PLXNA4: variants seen among roughly 807,000 people sequenced by gnomAD.
The protein encoded by PLXNA4 is plexin-A4.
PLXNA4 carries 44 observed loss-of-function variants against 191.8 expected under a neutral mutation model. That is an observed-to-expected ratio of 0.23 (90% CI 0.18 to 0.29). The LOEUF (loss-of-function observed/expected upper bound fraction) is 0.29, where lower values mean the gene tolerates loss of function less well. Among genes scored for constraint, PLXNA4 ranks in the 10% least tolerant of loss-of-function variants. The pLI, the probability that PLXNA4 is intolerant of heterozygous loss-of-function variation, is 1.00. For synonymous variants in PLXNA4, 1,082 were observed against 1,009.5 expected (o/e 1.07, Z -1.36); for missense variants, 1,800 against 2,488.8 (o/e 0.72, Z 5.89).
intron 1 of PLXNA4, among the ~76,000 whole-genome samples, chr7:132,540,566 G>GTTTT (rs1203493435): frequency 1.0e-4 from 5 of 49,528 alleles, no homozygotes; most frequent in South Asian, 1.1e-3. Flanking sequence ...AGTGTGGACC[G>GTTTT]TTCTTTTTTT....
At chr7:132,579,508 C>T (rs1027982028), upstream of PLXNA4, among the ~76,000 whole-genome samples, 7 of 146,526 alleles carry the variant, frequency 4.8e-5, no homozygotes, top group Non-Finnish European at 1.0e-4. Context: ...GATGGATGGA[C>T]GGGAAGTCAA....
At position 132,596,114 on chromosome 7, in the gene PLXNA4, A is replaced by G. The variant is rs1396642025; in HGVS notation, c.-87+49814T>C. Among the ~76,000 whole-genome samples, 3 of 152,168 alleles carry G rather than the reference A, an allele frequency of 2.0e-5. No individual in the cohort carries two copies. The East Asian group carries it at 5.8e-4, about 29-fold the overall frequency. On this transcript the variant is annotated intron_variant, in intron 2 of 4. Coordinates refer to the PLXNA4 transcript ENST00000378539. ...TGTTGACTCTCTTTTAATCCAGTAC[A>G]GTCCTCCAACTTTTTTCTTTCATGA...
chr7:132,391,451 A>C (rs989620240), intron 3 of PLXNA4, among the ~76,000 whole-genome samples: 1 of 152,202 alleles, frequency 6.6e-6, no homozygotes, highest in Non-Finnish European at 1.5e-5. Flanking sequence ...CTAATGGGCA[A>C]CCTCAAGGGA....
chr7:132,284,146 C>A (rs1327382608), intron 4 of PLXNA4, among the ~76,000 whole-genome samples: 1 of 152,220 alleles, frequency 6.6e-6, no homozygotes, highest in Non-Finnish European at 1.5e-5. Context: ...GCACTCCAGC[C>A]TGGGTGGCAG....
At chr7:132,563,341 CCTCCTCTTTCTCCTCCTT>C (rs1801440486) in intron 1 of PLXNA4, among the ~76,000 whole-genome samples, 1 of 113,940 alleles carries the variant, frequency 8.8e-6, no homozygotes, top group African/African-American at 3.5e-5. Context: ...TCCTCCTTCT[CCTCCTCTTTCTCCTCCTT>C]CTCCTCCTCC....
intron 3 of PLXNA4, among the ~76,000 whole-genome samples, chr7:132,403,624 C>T (rs1342542623): frequency 1.3e-5 from 2 of 152,012 alleles, no homozygotes; most frequent in South Asian, 2.1e-4. Context: ...TTTTTCCCTT[C>T]CTGGCCTGGC....
chr7:132,146,823 G>A (rs1795450287), intron 27 of PLXNA4, 123 bp from the exon 28 acceptor site: 3 of 1,509,802 alleles, frequency 2.0e-6, no homozygotes, highest in Non-Finnish European at 2.7e-6. Flanking sequence ...CCATTGGTCG[G>A]TGCTGTCACC....
At chr7:132,615,293 G>C (rs1803129807) in intron 2 of PLXNA4, among the ~76,000 whole-genome samples, 1 of 152,140 alleles carries the variant, frequency 6.6e-6, no homozygotes, top group Non-Finnish European at 1.5e-5. Context: ...GGGGAGTGGT[G>C]GCAGAGGGAG....
intron 2 of PLXNA4, among the ~76,000 whole-genome samples, chr7:132,498,988 G>A (rs926022120): frequency 2.6e-5 from 4 of 152,174 alleles, no homozygotes; most frequent in Non-Finnish European, 4.4e-5. Flanking sequence ...ATATCTAAGT[G>A]GTCTTTCACT....
chr7:132,291,217 G>C (rs1800879164), intron 4 of PLXNA4, among the ~76,000 whole-genome samples: 1 of 152,090 alleles, frequency 6.6e-6, no homozygotes, highest in South Asian at 2.1e-4. Flanking sequence ...CTTCTCCCCA[G>C]ACGGTCCTCT....
At chr7:132,398,528 C>T (rs979283710) in intron 3 of PLXNA4, among the ~76,000 whole-genome samples, 4 of 152,228 alleles carry the variant, frequency 2.6e-5, no homozygotes, top group Non-Finnish European at 4.4e-5. Flanking sequence ...CTGCGTTTCT[C>T]CTTTTCATGA....
chr7:132,202,935 G>A (rs1562918257), intron 11 of PLXNA4, 99 bp from the exon 12 acceptor site: 5 of 1,276,426 alleles, frequency 3.9e-6, no homozygotes, highest in African/African-American at 1.5e-5. Context: ...AGCCTGGGGT[G>A]ATGGGGCACA....
chr7:132,468,179 C>A (rs1796781555), intron 3 of PLXNA4, among the ~76,000 whole-genome samples: 1 of 152,146 alleles, frequency 6.6e-6, no homozygotes, highest in Admixed American at 6.5e-5. Flanking sequence ...CAAGTAATTA[C>A]AACAGAGATA....
intron 3 of PLXNA4, among the ~76,000 whole-genome samples, chr7:132,312,031 A>G (rs542360504): frequency 6.6e-6 from 1 of 152,048 alleles, no homozygotes; most frequent in South Asian, 2.1e-4. Context: ...AACCACAGAG[A>G]CCCAGCTTTA....
chr7:132,507,142 G>A (rs1488163575), intron 2 of PLXNA4, among the ~76,000 whole-genome samples: 1 of 152,088 alleles, frequency 6.6e-6, no homozygotes, highest in East Asian at 1.9e-4. Flanking sequence ...GCATGTACGT[G>A]TCTTGCACTA....
chr7:132,555,057 C>CAAACA (rs1800737366), intron 1 of PLXNA4, among the ~76,000 whole-genome samples: 1 of 131,960 alleles, frequency 7.6e-6, no homozygotes, highest in African/African-American at 3.3e-5. Context: ...AAAAAAAAAA[C>CAAACA]AAAAAAAAAA....
At chr7:132,295,741 A>G (rs535690110) in intron 4 of PLXNA4, among the ~76,000 whole-genome samples, 1 of 152,166 alleles carries the variant, frequency 6.6e-6, no homozygotes, top group East Asian at 1.9e-4. Flanking sequence ...TCTCAATACC[A>G]GCCCCTGCCT....
At chr7:132,407,206 C>G (rs1173238733) in intron 3 of PLXNA4, among the ~76,000 whole-genome samples, 4 of 152,186 alleles carry the variant, frequency 2.6e-5, no homozygotes. Context: ...TCTCCTTAAG[C>G]AAGGCGGAAA....
intron 2 of PLXNA4, among the ~76,000 whole-genome samples, chr7:132,615,375 C>T (rs1452532494): frequency 1.3e-5 from 2 of 152,130 alleles, no homozygotes; most frequent in African/African-American, 2.4e-5. Context: ...GGACTGCCGC[C>T]GTGGGGACTT....
Sources: allele counts gnomAD v4.1 joint callset (sites outside exome capture counted in the v4.1 genomes callset), GRCh38; gene constraint gnomAD v4.1.1; transcripts MANE v1.5; gene names NCBI Gene and HGNC (gene_info 2026-07-23, HGNC 2026-07-21).